NALCN: variants seen among roughly 807,000 people sequenced by gnomAD.
The protein encoded by NALCN is sodium leak channel NALCN.
A neutral mutation model predicts 225.3 loss-of-function variants in NALCN; 111 were observed. The ratio of observed to expected loss-of-function variants is 0.49; its 90% CI spans 0.42 to 0.58. NALCN has a LOEUF of 0.58. Among genes scored for constraint, NALCN ranks in the 20% least tolerant of loss-of-function variants. The pLI, the probability that NALCN is intolerant of heterozygous loss-of-function variation, is 0.00. For synonymous variants in NALCN, 764 were observed against 769.0 expected, an observed-to-expected ratio of 0.99 and a Z score of 0.11; for missense variants, 1,378 against 2,202.4, an observed-to-expected ratio of 0.63 and a Z score of 7.49.
chr13:101,389,092 A>G (rs1445948720), intron 3 of NALCN, among the ~76,000 whole-genome samples: 1 of 152,236 alleles, frequency 6.6e-6, no homozygotes, highest in African/African-American at 2.4e-5. Context: ...TTCTGAACCT[A>G]TGCTTATCTA....
At chr13:101,232,803 T>A (rs1298392115) in intron 12 of NALCN, among the ~76,000 whole-genome samples, 1 of 152,128 alleles carries the variant, frequency 6.6e-6, no homozygotes, top group African/African-American at 2.4e-5. Flanking sequence ...TCTCAGATAA[T>A]CTTTACAAAG....
At chr13:101,365,548 G>A (rs2046357402) in intron 6 of NALCN, among the ~76,000 whole-genome samples, 1 of 150,596 alleles carries the variant, frequency 6.6e-6, no homozygotes, top group South Asian at 2.1e-4. Flanking sequence ...AATGTAAAAT[G>A]TATTTGGACC....
At chr13:101,081,675 CAGAG>C (rs1420815572) in intron 33 of NALCN, 29 bp from the exon 34 acceptor site, 3 of 1,612,920 alleles carry the variant, frequency 1.9e-6, no homozygotes, top group African/African-American at 1.3e-5. Context: ...AGAAAATAAA[CAGAG>C]AGAGTGTTTA....
intron 3 of NALCN, among the ~76,000 whole-genome samples, chr13:101,391,779 T>C (rs774891277): frequency 1.7e-4 from 26 of 150,546 alleles, no homozygotes; most frequent in Middle Eastern, 3.2e-3. Flanking sequence ...GGTCAGGAGA[T>C]TGAGACCATC....
At chr13:101,113,947 G>A (rs1240660185) in intron 18 of NALCN, among the ~76,000 whole-genome samples, 1 of 152,116 alleles carries the variant, frequency 6.6e-6, no homozygotes, top group Non-Finnish European at 1.5e-5. Flanking sequence ...GCTGCCTGAT[G>A]AACAGAATGA....
chr13:101,236,430 T>C (rs1005705545), intron 12 of NALCN, among the ~76,000 whole-genome samples: 9 of 152,080 alleles, frequency 5.9e-5, no homozygotes, highest in Non-Finnish European at 5.9e-5. Flanking sequence ...CCCAAAGGAC[T>C]ATAAATCATG....
chr13:101,099,737 A>G (rs553774139), intron 27 of NALCN, among the ~76,000 whole-genome samples: 1 of 152,190 alleles, frequency 6.6e-6, no homozygotes, highest in South Asian at 2.1e-4. Flanking sequence ...CTCTTTACAG[A>G]GGAATGTGGG....
At chr13:101,062,297 C>T (rs930083338) in intron 40 of NALCN, among the ~76,000 whole-genome samples, 179 bp from the exon 41 acceptor site, 6 of 152,146 alleles carry the variant, frequency 3.9e-5, no homozygotes, top group Admixed American at 1.3e-4. Flanking sequence ...TCCCTTCCCT[C>T]GTCTGTAAAA....
At chr13:101,285,908 T>C (rs139435723) in intron 9 of NALCN, among the ~76,000 whole-genome samples, 233 of 152,274 alleles carry the variant, frequency 1.5e-3, no homozygotes, top group African/African-American at 2.8e-3. Context: ...TACTCTCTAA[T>C]TGTGGCATAA....
At chr13:101,284,137 A>G in intron 9 of NALCN, 118 bp from the exon 10 acceptor site, 1 of 757,710 alleles carries the variant, frequency 1.3e-6, no homozygotes, top group South Asian at 1.9e-5. Flanking sequence ...ATGGATTTAT[A>G]TTTGGAATGA....
Position 101,378,609 on chromosome 13 carries a change from T to G in NALCN, c.336A>C (p.Gly112=). 6.2e-7 allele frequency: 1 copy of G among 1,610,304 alleles called. No individual in the cohort carries two copies. Among genetic ancestry groups the G allele is most frequent in the South Asian group, 1.1e-5 (1 of 90,438 alleles). The change falls in exon 4 of 44, where the codon GGA becomes GGC. Residue 112 remains glycine, a synonymous_variant. Coordinates refer to ENST00000251127, the MANE Select transcript of NALCN (RefSeq NM_052867.4). ...YVKDRWCVFD[G]FMVFCLWVSL... ...AAACCCAAAGGCAAAAGACCATAAATCCATCAAAAACACACCAGCGATCTT... is the reference window on the plus strand; with the variant it reads ...AAACCCAAAGGCAAAAGACCATAAAGCCATCAAAAACACACCAGCGATCTT...
intron 13 of NALCN, among the ~76,000 whole-genome samples, chr13:101,210,773 A>C (rs758285141): frequency 6.6e-6 from 1 of 152,146 alleles, no homozygotes; most frequent in Non-Finnish European, 1.5e-5. Flanking sequence ...AACTGCTACT[A>C]CTTGTTAAGT....
intron 6 of NALCN, among the ~76,000 whole-genome samples, chr13:101,359,031 G>T (rs1386705091): frequency 6.6e-6 from 1 of 151,978 alleles, no homozygotes; most frequent in Non-Finnish European, 1.5e-5. Context: ...CTGTCGCGGG[G>T]TGAGGGGCAG....
chr13:101,408,507 C>A (rs1019895805), intron 1 of NALCN, among the ~76,000 whole-genome samples: 2 of 152,186 alleles, frequency 1.3e-5, no homozygotes, highest in African/African-American at 4.8e-5. Context: ...AAAACTGACA[C>A]CCTGGGCATC....
At position 101,177,064 on chromosome 13, in the gene NALCN, A is replaced by T. The variant is rs374699657; in HGVS notation, c.1765-690T>A. ...TGGAAGCAGGTGCTATGTTGTGAGG[A>T]TGCTCAAGCAGCCCTCTGGAGAGGT... On this transcript the variant is annotated intron_variant, in intron 14 of 43. Transcript: ENST00000251127. Among the ~76,000 whole-genome samples, 5 of 152,290 alleles carry T rather than the reference A, an allele frequency of 3.3e-5. No individual in the cohort carries two copies. The East Asian group carries it at 9.7e-4, about 29-fold the overall frequency.
Position 101,272,141 on chromosome 13 carries a change from C to T in NALCN, c.1134+11792G>A, listed in dbSNP as rs994331981. Reference sequence around the variant, plus strand: ...ACTGTGTGTGTTTGAGGTGTGTGTGCGTGTGAGCATGTGTGAGCCTGTATG... The same window carrying T: ...ACTGTGTGTGTTTGAGGTGTGTGTGTGTGTGAGCATGTGTGAGCCTGTATG... On this transcript the variant is annotated intron_variant, in intron 10 of 43. Transcript: ENST00000251127. Among the ~76,000 whole-genome samples, 2 of 150,322 alleles carry T rather than the reference C, an allele frequency of 1.3e-5. 1 individual carries two copies. The highest frequency in any genetic ancestry group is 4.2e-4 in the South Asian group (2 of 4,708).
intron 10 of NALCN, among the ~76,000 whole-genome samples, chr13:101,279,615 G>A (rs1187968701): frequency 1.3e-5 from 2 of 151,252 alleles, no homozygotes; most frequent in African/African-American, 2.4e-5. Flanking sequence ...AGGAGATCGA[G>A]ACCATCCCGG....
At chr13:101,368,202 A>G (rs896929095) in intron 6 of NALCN, among the ~76,000 whole-genome samples, 5 of 133,046 alleles carry the variant, frequency 3.8e-5, no homozygotes, top group Non-Finnish European at 6.1e-5. Context: ...TCCTTCCTGT[A>G]TCCATGTGTT....
chr13:101,143,242 T>C, intron 16 of NALCN, 21 bp from the exon 17 acceptor site: 2 of 1,585,538 alleles, frequency 1.3e-6, no homozygotes, highest in Non-Finnish European at 1.7e-6. Flanking sequence ...GAAGTATATG[T>C]GCATCAGGCA....
Sources: gnomAD v4.1 joint callset for allele counts (sites outside exome capture counted in the v4.1 genomes callset) on GRCh38, gnomAD v4.1.1 for gene constraint, MANE v1.5 for transcripts, NCBI Gene and HGNC (gene_info 2026-07-23, HGNC 2026-07-21) for gene names.